BRIP1: variants seen among roughly 807,000 people sequenced by gnomAD.
BRIP1 encodes BRCA1 interacting DNA helicase 1, also known as Fanconi anemia group J protein.
Under a neutral mutation model 119.7 loss-of-function variants are expected in BRIP1, and 88 were observed. That is an observed-to-expected ratio of 0.74 (90% confidence interval 0.62 to 0.88). BRIP1 has a LOEUF of 0.88. Ranked by LOEUF, BRIP1 falls within the 40% of genes least tolerant of loss-of-function variation. BRIP1 has a pLI of 0.00. For missense variants in BRIP1, 1,259 were observed against 1,455.4 expected (o/e 0.87, Z 2.20); for synonymous variants, 443 against 496.5 (o/e 0.89, Z 1.43).
At position 61,743,589 on chromosome 17, in the gene BRIP1, A is replaced by G. The variant is rs1416697590; in HGVS notation, c.2258-455T>C. Among the ~76,000 whole-genome samples, 2 of 152,170 alleles carry G rather than the reference A, an allele frequency of 1.3e-5. No individual in the cohort carries two copies. Among genetic ancestry groups the G allele is most frequent in the Non-Finnish European group, 2.9e-5 (2 of 68,026 alleles). On this transcript the variant is annotated intron_variant, in intron 15 of 19. Transcript: ENST00000259008. This position sits in a 1 kb window ranked among gnomAD's most constrained non-coding sequence, Gnocchi z 4.3. ...AAACAGACACAGAGAACACCATAAT[A>G]TATACACCATAAAAAGATACTGATA...
rs749306383 is a variant in BRIP1 at position 61,857,490 on chromosome 17, G to A, written c.206-259C>T. Among the ~76,000 whole-genome samples, 8 of 152,102 alleles carry A rather than the reference G, an allele frequency of 5.3e-5. No homozygotes were observed. The highest frequency in any genetic ancestry group is 1.2e-4 in the Non-Finnish European group (8 of 68,012). ...TGTTATCCTAGCACTTTGGGAGGCCGAGGCAGGCACATCAATTGAAGTCAG... is the reference window on the plus strand; with the variant it reads ...TGTTATCCTAGCACTTTGGGAGGCCAAGGCAGGCACATCAATTGAAGTCAG... On this transcript the variant is annotated intron_variant, in intron 3 of 19. Coordinates refer to ENST00000259008, the MANE Select transcript of BRIP1 (RefSeq NM_032043.3). This position sits in a 1 kb window ranked among gnomAD's most constrained non-coding sequence, Gnocchi z 5.1.
Position 61,767,099 on chromosome 17 carries a change from C to A in BRIP1, c.2097+9302G>T, listed in dbSNP as rs1051677089. Among the ~76,000 whole-genome samples the A allele has an allele frequency of 6.6e-6, 1 of 152,138 alleles. No individual in the cohort carries two copies. Among genetic ancestry groups the A allele is most frequent in the Non-Finnish European group, 1.5e-5 (1 of 68,034 alleles). ...AAAAACTAGATGAACAACGTTCTCA[C>A]TCTTACCCTTAAACAAATGCTGCAG... On this transcript the variant is annotated intron_variant, in intron 14 of 19. Transcript: ENST00000259008. This position sits in a 1 kb window ranked among gnomAD's most constrained non-coding sequence, Gnocchi z 5.7.
In BRIP1 at chr17:61,828,518, C is replaced by T. The variant is rs1206793596; in HGVS notation, c.627+18583G>A. The stretch of plus-strand genomic sequence containing the variant: ...TATGCATAATACCACTGAATTTACA[C>T]TTAAAAACAGATAAATGGTAAATTT... On this transcript the variant is annotated intron_variant, in intron 6 of 19. Coordinates refer to ENST00000259008, the MANE Select transcript of BRIP1 (RefSeq NM_032043.3). This position sits in a 1 kb window ranked among gnomAD's most constrained non-coding sequence, Gnocchi z 4.1. 6.6e-6 allele frequency among the ~76,000 whole-genome samples: 1 copy of T among 151,752 alleles called. No individual in the cohort carries two copies. Among genetic ancestry groups the T allele is most frequent in the Admixed American group, 6.6e-5 (1 of 15,224 alleles).
In BRIP1 at chr17:61,857,940, A is replaced by G. The variant is rs2078920353; in HGVS notation, c.206-709T>C. 6.6e-6 allele frequency among the ~76,000 whole-genome samples: 1 copy of G among 152,148 alleles called. No individual in the cohort carries two copies. Among genetic ancestry groups the G allele is most frequent in the Non-Finnish European group, 1.5e-5 (1 of 68,020 alleles). ...CCTAAATGAAGAATTTGAAAGTTCA[A>G]TATATTAGATAATAATCTAACACAT... On this transcript the variant is annotated intron_variant, in intron 3 of 19. Transcript: ENST00000259008. This position sits in a 1 kb window ranked among gnomAD's most constrained non-coding sequence, Gnocchi z 5.1.
In BRIP1 at chr17:61,824,266, T is replaced by A. The variant is rs187603686; in HGVS notation, c.628-15509A>T. Reference sequence around the variant, plus strand: ...AATGTGTTTCAAAACAAAGCGACGGTTCCTATCAATAACCCAATGAAGTTT... The same window carrying A: ...AATGTGTTTCAAAACAAAGCGACGGATCCTATCAATAACCCAATGAAGTTT... On this transcript the variant is annotated intron_variant, in intron 6 of 19. Coordinates refer to ENST00000259008, the MANE Select transcript of BRIP1 (RefSeq NM_032043.3). The surrounding 1 kb of genome is among the most constrained non-coding windows in gnomAD (Gnocchi z 4.3). Among the ~76,000 whole-genome samples, 87 of 152,012 alleles carry A rather than the reference T, an allele frequency of 5.7e-4. No homozygotes were observed. Among genetic ancestry groups the A allele is most frequent in the Non-Finnish European group, 1.0e-3 (70 of 68,000 alleles).
At chr17:61,797,209 G>C (rs1202636378) in intron 9 of BRIP1, among the ~76,000 whole-genome samples, 1 of 151,788 alleles carries the variant, frequency 6.6e-6, no homozygotes, top group Non-Finnish European at 1.5e-5. Context: ...AGGGAAAATA[G>C]AACTACAGAA....
intron 17 of BRIP1, among the ~76,000 whole-genome samples, chr17:61,697,115 G>A (rs1271774619): frequency 1.3e-5 from 2 of 151,252 alleles, no homozygotes; most frequent in Non-Finnish European, 2.9e-5. Flanking sequence ...CAGCAGTTTG[G>A]GAGGTGGATC....
At chr17:61,854,321 G>A (rs1299155702) in intron 4 of BRIP1, among the ~76,000 whole-genome samples, 1 of 152,016 alleles carries the variant, frequency 6.6e-6, no homozygotes, top group Non-Finnish European at 1.5e-5. Flanking sequence ...ACCATACCAA[G>A]GGTTCACAAG....
rs1428018743 is a variant in BRIP1 at position 61,680,512 on chromosome 17, C to T, written c.*2784G>A. ...TTTTTTTTTTTGAGACGGAGTCCCG[C>T]TCTGTCGCCCAGGCTGGAGTGCAGT... On this transcript the variant is annotated 3_prime_UTR_variant, in exon 20 of 20. Transcript: ENST00000259008. Among the ~76,000 whole-genome samples the T allele has an allele frequency of 2.3e-5, 3 of 132,006 alleles. No homozygotes were observed. Among genetic ancestry groups the T allele is most frequent in the Admixed American group, 8.8e-5 (1 of 11,392 alleles). 86.6% of individuals were successfully genotyped at this position (132,006 alleles called of 152,430 possible). A position where few individuals can be genotyped will look rare whatever the true frequency, so the allele number is the denominator to read the frequency against.
chr17:61,754,969 G>T lies in BRIP1; in HGVS notation c.2098-10378C>A, dbSNP rs374965370. Among the ~76,000 whole-genome samples, 2 of 152,208 alleles carry T rather than the reference G, an allele frequency of 1.3e-5. No individual in the cohort carries two copies. ...GGGCTTCAACATAAAAAATTTGGTG[G>T]TATACAAACATTCAGTCCATAATAT... On this transcript the variant is annotated intron_variant, in intron 14 of 19. Transcript: ENST00000259008. This position sits in a 1 kb window ranked among gnomAD's most constrained non-coding sequence, Gnocchi z 4.1.
At position 61,832,428 on chromosome 17, in the gene BRIP1, G is replaced by T. The variant is rs755980673; in HGVS notation, c.627+14673C>A. ...AAGTCCTCTTTTATAAAGGCAAAAA[G>T]ATAACTGTAAAGTTATATTTTTTAC... On this transcript the variant is annotated intron_variant, in intron 6 of 19. Transcript: ENST00000259008. The surrounding 1 kb of genome is among the most constrained non-coding windows in gnomAD (Gnocchi z 5.5). 6.6e-6 allele frequency among the ~76,000 whole-genome samples: 1 copy of T among 152,114 alleles called. No homozygotes were observed. The highest frequency in any genetic ancestry group is 1.5e-5 in the Non-Finnish European group (1 of 68,014).
rs570226887 is a variant in BRIP1 at position 61,746,838 on chromosome 17, G to C, written c.2098-2247C>G. The stretch of plus-strand genomic sequence containing the variant: ...CTTGAACAATACTAGAGACCAGATG[G>C]ACCTGACATATATAGAACATTTTAC... On this transcript the variant is annotated intron_variant, in intron 14 of 19. Transcript: ENST00000259008. This position sits in a 1 kb window ranked among gnomAD's most constrained non-coding sequence, Gnocchi z 4.9. Among the ~76,000 whole-genome samples, 1 of 152,116 alleles carries C rather than the reference G, an allele frequency of 6.6e-6. No homozygotes were observed. Among genetic ancestry groups the C allele is most frequent in the African/African-American group, 2.4e-5 (1 of 41,512 alleles).
At chr17:61,826,638 A>C (rs1169131796) in intron 6 of BRIP1, among the ~76,000 whole-genome samples, 1 of 151,914 alleles carries the variant, frequency 6.6e-6, no homozygotes, top group Non-Finnish European at 1.5e-5. Context: ...CTATGGAAAA[A>C]AGCTAACATT....
rs114965923 is a variant in BRIP1 at position 61,730,190 on chromosome 17, G to A, written c.2379+12823C>T. Among the ~76,000 whole-genome samples, 959 of 152,224 alleles carry A rather than the reference G, an allele frequency of 6.3e-3. 8 individuals are homozygous for A. The highest frequency in any genetic ancestry group is 0.022 in the African/African-American group (915 of 41,534). On this transcript the variant is annotated intron_variant, in intron 16 of 19. Coordinates refer to ENST00000259008, the MANE Select transcript of BRIP1 (RefSeq NM_032043.3). The surrounding 1 kb of genome is among the most constrained non-coding windows in gnomAD (Gnocchi z 4.3). ...TAATCCTAGGGAAAAACAGGAAAGA[G>A]TGATGTTGTAAACATGGAACAGCAA...
At chr17:61,836,320 T>C (rs1023900377) in intron 6 of BRIP1, among the ~76,000 whole-genome samples, 1 of 152,042 alleles carries the variant, frequency 6.6e-6, no homozygotes, top group Non-Finnish European at 1.5e-5. Flanking sequence ...CTTGCTATGT[T>C]GCCCAGGCTG....
At position 61,856,460 on chromosome 17, in the gene BRIP1, G is replaced by C. The variant is rs924326504; in HGVS notation, c.379+598C>G. ...TATGGAGATGTACATGAAGAAATAA[G>C]AAAGAGCAAAGTGTCCAGGATGTTC... On this transcript the variant is annotated intron_variant, in intron 4 of 19. Coordinates refer to ENST00000259008, the MANE Select transcript of BRIP1 (RefSeq NM_032043.3). The surrounding 1 kb of genome is among the most constrained non-coding windows in gnomAD (Gnocchi z 5.1). 2.0e-5 allele frequency among the ~76,000 whole-genome samples: 3 copies of C among 152,158 alleles called. No homozygotes were observed. The highest frequency in any genetic ancestry group is 4.4e-5 in the Non-Finnish European group (3 of 68,020).
At position 61,703,262 on chromosome 17, in the gene BRIP1, C is replaced by T. The variant is rs779456853; in HGVS notation, c.2493-9750G>A. ...TATTTTTAGTAGAGATGGGGTTTTG[C>T]CATGTTGGGCAGAGTGGTCTTCAAC... is the stretch of plus-strand genomic sequence containing the variant. On this transcript the variant is annotated intron_variant, in intron 17 of 19. Coordinates refer to ENST00000259008, the MANE Select transcript of BRIP1 (RefSeq NM_032043.3). This position sits in a 1 kb window ranked among gnomAD's most constrained non-coding sequence, Gnocchi z 5.0. Among the ~76,000 whole-genome samples, 1 of 152,154 alleles carries T rather than the reference C, an allele frequency of 6.6e-6. No homozygotes were observed. Among genetic ancestry groups the T allele is most frequent in the Non-Finnish European group, 1.5e-5 (1 of 68,032 alleles).
Position 61,736,069 on chromosome 17 carries a change from T to A in BRIP1, c.2379+6944A>T, listed in dbSNP as rs2076914168. 6.6e-6 allele frequency among the ~76,000 whole-genome samples: 1 copy of A among 151,940 alleles called. No homozygotes were observed. Among genetic ancestry groups the A allele is most frequent in the Admixed American group, 6.6e-5 (1 of 15,252 alleles). On this transcript the variant is annotated intron_variant, in intron 16 of 19. Transcript: ENST00000259008. This position sits in a 1 kb window ranked among gnomAD's most constrained non-coding sequence, Gnocchi z 4.4. The stretch of plus-strand genomic sequence containing the variant: ...GGCTGGGCATGATGGCTCACACCTA[T>A]AATCCCAGCACTTTGGGAGGCTGAG...
rs905016253 is a variant in BRIP1 at position 61,851,031 on chromosome 17, C to T, written c.380-1775G>A. On this transcript the variant is annotated intron_variant, in intron 4 of 19. Coordinates refer to ENST00000259008, the MANE Select transcript of BRIP1 (RefSeq NM_032043.3). The surrounding 1 kb of genome is among the most constrained non-coding windows in gnomAD (Gnocchi z 4.6). ...TCACCTGAGGCCAGGAGTTTGAGAC[C>T]AGCCTGGCCAACGTGACGAAAGCCC... 6.6e-6 allele frequency among the ~76,000 whole-genome samples: 1 copy of T among 151,916 alleles called. No individual in the cohort carries two copies. Among genetic ancestry groups the T allele is most frequent in the Non-Finnish European group, 1.5e-5 (1 of 67,984 alleles).
Sources: gnomAD v4.1 joint callset for allele counts (sites outside exome capture counted in the v4.1 genomes callset) on GRCh38, gnomAD v4.1.1 for gene constraint, Gnocchi (gnomAD v3.1) non-coding constraint, MANE v1.5 for transcripts, NCBI Gene and HGNC (gene_info 2026-07-23, HGNC 2026-07-21) for gene names.